The following NCOA1 variants were observed in gnomAD, a reference collection of about 807,000 sequenced individuals.
The protein encoded by NCOA1 is Hin-2 protein.
In NCOA1, 35 loss-of-function variants were observed where a neutral mutation model predicts 150.9. The ratio of observed to expected loss-of-function variants is 0.23; its 90% CI spans 0.18 to 0.31. The LOEUF is 0.31. NCOA1 is among the 10% of genes least tolerant of loss of function. The probability of loss-of-function intolerance (pLI) is 1.00; values close to 1 mark genes in which losing one functional copy is unlikely to be tolerated. For synonymous variants in NCOA1, 590 were observed against 630.0 expected (o/e 0.94, Z 0.95); for missense variants, 1,491 against 1,749.3 (o/e 0.85, Z 2.63).
At chr2:24,651,472 A>G (rs1045042445) in intron 4 of NCOA1, among the ~76,000 whole-genome samples, 9 of 152,262 alleles carry the variant, frequency 5.9e-5, no homozygotes, top group Admixed American at 1.3e-4. Flanking sequence ...ATATTGCATA[A>G]TCTCATTTAC....
At chr2:24,601,122 A>G (rs1668094910) in intron 3 of NCOA1, among the ~76,000 whole-genome samples, 1 of 152,076 alleles carries the variant, frequency 6.6e-6, no homozygotes, top group African/African-American at 2.4e-5. Flanking sequence ...TTTTTTTTAA[A>G]TGCTGTTCAT....
At chr2:24,718,357 G>A (rs907474234) in intron 14 of NCOA1, among the ~76,000 whole-genome samples, 2 of 152,110 alleles carry the variant, frequency 1.3e-5, no homozygotes, top group African/African-American at 4.8e-5. Flanking sequence ...CTTTTACATT[G>A]CTAATGGCAT....
Position 24,598,392 on chromosome 2 carries a change from T to G in NCOA1, c.-175+13832T>G, listed in dbSNP as rs149576149. ...GAATATATTGCTATATTGGAATCTT[T>G]AAGGGCAGAATGGAAAAAAAATGAA... On this transcript the variant is annotated intron_variant, in intron 3 of 22. Coordinates refer to ENST00000348332, the MANE Select transcript of NCOA1 (RefSeq NM_003743.5). Among the ~76,000 whole-genome samples, 296 of 152,314 alleles carry G rather than the reference T, an allele frequency of 1.9e-3. 1 individual carries two copies. The highest frequency in any genetic ancestry group is 2.6e-3 in the Non-Finnish European group (178 of 68,036).
chr2:24,623,004 T>C (rs1444170898), intron 3 of NCOA1, among the ~76,000 whole-genome samples: 2 of 152,198 alleles, frequency 1.3e-5, no homozygotes, highest in Non-Finnish European at 2.9e-5. Flanking sequence ...TATATATTCA[T>C]GGGGACAGAA....
At chr2:24,761,287 T>C (rs1333362940) in intron 21 of NCOA1, among the ~76,000 whole-genome samples, 1 of 152,228 alleles carries the variant, frequency 6.6e-6, no homozygotes, top group Non-Finnish European at 1.5e-5. Flanking sequence ...TTTGGGGGCT[T>C]TCGAGCACTG....
At chr2:24,566,694 G>C (rs1378835059) in intron 2 of NCOA1, among the ~76,000 whole-genome samples, 2 of 152,190 alleles carry the variant, frequency 1.3e-5, no homozygotes, top group Non-Finnish European at 2.9e-5. Context: ...CATTGTTCAT[G>C]GTGCCCAGGC....
chr2:24,734,488 A>C (rs1212066147), intron 17 of NCOA1, among the ~76,000 whole-genome samples: 3 of 152,182 alleles, frequency 2.0e-5, no homozygotes, highest in East Asian at 3.8e-4. Context: ...TCAAGATTTA[A>C]AACAAAGCTT....
chr2:24,580,097 TCTG>T (rs1667138030), intron 2 of NCOA1, among the ~76,000 whole-genome samples: 1 of 152,216 alleles, frequency 6.6e-6, no homozygotes, highest in African/African-American at 2.4e-5. Flanking sequence ...TGATGAGATG[TCTG>T]CTGTCATTTG....
intron 4 of NCOA1, among the ~76,000 whole-genome samples, chr2:24,651,143 T>G (rs565706362): frequency 6.6e-5 from 10 of 152,104 alleles, no homozygotes; most frequent in African/African-American, 2.4e-4. Context: ...GTATAGATAC[T>G]CCTAAGGAAA....
chr2:24,580,858 G>A (rs1667166087), intron 2 of NCOA1, among the ~76,000 whole-genome samples: 1 of 152,038 alleles, frequency 6.6e-6, no homozygotes, highest in African/African-American at 2.4e-5. Flanking sequence ...ATTTTTATTT[G>A]ATACCTGGAC....
Position 24,706,775 on chromosome 2 carries a change from C to T in NCOA1, c.1305C>T (p.Ser435=). The part of the protein sequence containing the change: ...DLHSSSHSNS[S]NSQGSFGCSP... ...ATAGCAGCAGTCATAGTAATTCTAG[C>T]AACAGCCAAGGAAGTTTCGGATGCT... Residue 435 remains serine (S), a synonymous_variant, in exon 13 of 23, where the codon AGC becomes AGT. Transcript: ENST00000348332. 1 of 1,614,188 alleles carries T rather than the reference C, an allele frequency of 6.2e-7. No individual in the cohort carries two copies. Among genetic ancestry groups the T allele is most frequent in the Non-Finnish European group, 8.5e-7 (1 of 1,180,026 alleles).
Position 24,648,711 on chromosome 2 carries a change from C to T in NCOA1, c.-18+4589C>T, listed in dbSNP as rs56063262. ...ATTATTTTGGTCAATTATTTTGACT[C>T]ATTTGGCTCTATGACTTTGGTACTT... On this transcript the variant is annotated intron_variant, in intron 4 of 22. Coordinates refer to ENST00000348332, the MANE Select transcript of NCOA1 (RefSeq NM_003743.5). Among the ~76,000 whole-genome samples, 973 of 152,208 alleles carry T rather than the reference C, an allele frequency of 6.4e-3. 13 individuals are homozygous for T. The highest frequency in any genetic ancestry group is 0.022 in the African/African-American group (894 of 41,518).
rs189827691 is a variant in NCOA1 at position 24,697,615 on chromosome 2, A to G, written c.809-43A>G. ...TAGTTTTGAAATACAGATGATTTAT[A>G]TAAAGAGGCTGTTATAAATATAAAC... On this transcript the variant is annotated intron_variant, in intron 10 of 22. Coordinates refer to ENST00000348332, the MANE Select transcript of NCOA1 (RefSeq NM_003743.5). The G allele has an allele frequency of 6.3e-4, 962 of 1,516,736 alleles. 7 individuals carry two copies. The highest frequency in any genetic ancestry group is 5.8e-5 in the Non-Finnish European group (64 of 1,108,420). 94.0% of individuals were successfully genotyped at this position (1,516,736 alleles called of 1,614,324 possible).
chr2:24,696,695 C>T (rs1422451130), intron 10 of NCOA1, among the ~76,000 whole-genome samples: 1 of 152,108 alleles, frequency 6.6e-6, no homozygotes, highest in Non-Finnish European at 1.5e-5. Flanking sequence ...GAAAGATGTT[C>T]ATAGCAGTGC....
At chr2:24,552,185 C>A (rs1016662441) in intron 1 of NCOA1, among the ~76,000 whole-genome samples, 1 of 150,554 alleles carries the variant, frequency 6.6e-6, no homozygotes, top group East Asian at 1.9e-4. Flanking sequence ...TTTTAAAAAG[C>A]CTGCTGGGAT....
chr2:24,757,853 A>G, intron 20 of NCOA1, 120 bp from the exon 21 acceptor site: 1 of 822,100 alleles, frequency 1.2e-6, no homozygotes. Flanking sequence ...ATATTTTAAG[A>G]AGTTACAGTC....
In NCOA1 at chr2:24,770,199, AAAGCCAGC is replaced by A. The variant is rs1176337661; in HGVS notation, c.*1809_*1816del. Reference sequence around the variant, plus strand: ...CCTGATTTCATTCATTTCCAGCTTGAAAGCCAGCCATATTACTCTAGTCCCTACCAAAC... The same window carrying A: ...CCTGATTTCATTCATTTCCAGCTTGACATATTACTCTAGTCCCTACCAAAC... On this transcript the variant is annotated 3_prime_UTR_variant, in exon 23 of 23. Transcript: ENST00000348332. The A allele has an allele frequency of 4.3e-6, 1 of 231,638 alleles. No individual in the cohort carries two copies. Among genetic ancestry groups the A allele is most frequent in the Non-Finnish European group, 8.6e-6 (1 of 116,822 alleles). 14.3% of individuals were successfully genotyped at this position (231,638 alleles called of 1,614,324 possible).
chr2:24,707,324 A>G lies in NCOA1; in HGVS notation c.1854A>G (p.Arg618=), dbSNP rs1447352895. 1 of 1,614,220 alleles carries G rather than the reference A, an allele frequency of 6.2e-7. No homozygotes were observed. The highest frequency in any genetic ancestry group is 8.5e-7 in the Non-Finnish European group (1 of 1,180,040). ...CAGGGCTTCTGCATAACAATGACAG[A>G]CTTTCAGATGGAGACAGTAAATACT... ...LDSGLLHNND[R]LSDGDSKYSQ... Residue 618 remains arginine, a synonymous_variant, in exon 13 of 23, where the codon AGA becomes AGG. Transcript: ENST00000348332.
At chr2:24,705,385 T>C (rs1673369268) in intron 12 of NCOA1, 152 bp downstream of exon 12, 3 of 687,968 alleles carry the variant, frequency 4.4e-6, no homozygotes, top group Non-Finnish European at 4.5e-6. Context: ...TATATCCATA[T>C]TGGGTTTTAT....
Sources: allele counts gnomAD v4.1 joint callset (sites outside exome capture counted in the v4.1 genomes callset), GRCh38; gene constraint gnomAD v4.1.1; transcripts MANE v1.5; gene names NCBI Gene and HGNC (gene_info 2026-07-23, HGNC 2026-07-21).